NTM: variants seen among roughly 807,000 people sequenced by gnomAD.
NTM encodes neurotrimin, also known as IgLON family member 2.
A neutral mutation model predicts 42.1 loss-of-function variants in NTM; 13 were observed. That is an observed-to-expected ratio of 0.31 (90% CI 0.20 to 0.49). The LOEUF (loss-of-function observed/expected upper bound fraction) is 0.49, where lower values mean the gene tolerates loss of function less well. Among genes scored for constraint, NTM ranks in the 20% least tolerant of loss-of-function variants. NTM has a pLI of 0.99. For synonymous variants in NTM, 187 were observed against 179.2 expected (o/e 1.04, Z -0.35); for missense variants, 373 against 452.8 (o/e 0.82, Z 1.60).
chr11:132,042,715 A>G (rs539959672), intron 2 of NTM, among the ~76,000 whole-genome samples: 1 of 152,208 alleles, frequency 6.6e-6, no homozygotes, highest in Non-Finnish European at 1.5e-5. Context: ...ATGTTCTGTC[A>G]CAGTCAAGTA....
At chr11:131,396,850 G>C (rs1170293017) in intron 1 of NTM, among the ~76,000 whole-genome samples, 2 of 151,896 alleles carry the variant, frequency 1.3e-5, no homozygotes, top group Admixed American at 1.3e-4. Context: ...AAAAAATGGG[G>C]AACATAAATG....
At chr11:132,094,864 G>A (rs887657095) in intron 2 of NTM, among the ~76,000 whole-genome samples, 3 of 152,094 alleles carry the variant, frequency 2.0e-5, no homozygotes, top group East Asian at 1.9e-4. Flanking sequence ...CTGCCTGCAC[G>A]TTCTGCTCCA....
intron 1 of NTM, among the ~76,000 whole-genome samples, chr11:131,520,009 TCTTTA>T (rs1218480840): frequency 1.3e-5 from 2 of 152,024 alleles, no homozygotes; most frequent in African/African-American, 4.8e-5. Context: ...GCCCAACTCT[TCTTTA>T]CTTTCAGGTC....
chr11:131,719,056 C>T (rs553186642), intron 1 of NTM, among the ~76,000 whole-genome samples: 2 of 152,220 alleles, frequency 1.3e-5, no homozygotes, highest in South Asian at 4.2e-4. Flanking sequence ...ACTACAGGCA[C>T]GTGCCACCAC....
At chr11:131,539,962 C>T (rs1260225380) in intron 1 of NTM, among the ~76,000 whole-genome samples, 1 of 152,152 alleles carries the variant, frequency 6.6e-6, no homozygotes, top group African/African-American at 2.4e-5. Context: ...CCAAGGAACA[C>T]ACGAAGTTCC....
Position 132,002,430 on chromosome 11 carries a change from A to T in NTM, c.167+90782A>T, listed in dbSNP as rs2069512793. On this transcript the variant is annotated intron_variant, in intron 2 of 8. Transcript: ENST00000683400. The surrounding 1 kb of genome is among the most constrained non-coding windows in gnomAD (Gnocchi z 4.5). ...GAAGGGGAAATTTTGGTTGAATAGG[A>T]TAAGAATGAGAATTTTGAGTGTCAG... 6.6e-6 allele frequency among the ~76,000 whole-genome samples: 1 copy of T among 152,218 alleles called. No individual in the cohort carries two copies. The highest frequency in any genetic ancestry group is 1.5e-5 in the Non-Finnish European group (1 of 68,040).
At chr11:132,116,753 G>C (rs888781842) in intron 2 of NTM, among the ~76,000 whole-genome samples, 18 of 152,344 alleles carry the variant, frequency 1.2e-4, no homozygotes, top group South Asian at 6.2e-4. Context: ...CGTGAGCTCT[G>C]CTGAGGATGA....
chr11:132,285,957 C>T (rs1469949461), intron 4 of NTM, among the ~76,000 whole-genome samples: 1 of 152,192 alleles, frequency 6.6e-6, no homozygotes, highest in Non-Finnish European at 1.5e-5. Flanking sequence ...CAGCTCAGGA[C>T]TGGCTTCCTC....
At chr11:131,802,137 A>G (rs2092168901) in intron 1 of NTM, among the ~76,000 whole-genome samples, 1 of 152,230 alleles carries the variant, frequency 6.6e-6, no homozygotes, top group Non-Finnish European at 1.5e-5. Flanking sequence ...CCATCTTTCA[A>G]CTGACAATAA....
intron 1 of NTM, among the ~76,000 whole-genome samples, chr11:131,598,755 C>CTTTCTTTCTTTCTTCT (rs201769252): frequency 3.2e-5 from 1 of 31,098 alleles, no homozygotes; most frequent in African/African-American, 9.7e-5. Flanking sequence ...TTCTTTCTTT[C>CTTTCTTTCTTTCTTCT]TTCTTTCTTT....
chr11:132,178,717 C>G (rs964718354), intron 3 of NTM, among the ~76,000 whole-genome samples: 1 of 151,972 alleles, frequency 6.6e-6, no homozygotes, highest in East Asian at 1.9e-4. Flanking sequence ...GAAGAATGTT[C>G]ATCATTTATC....
At chr11:131,458,280 A>G (rs549594529) in intron 1 of NTM, among the ~76,000 whole-genome samples, 1 of 152,256 alleles carries the variant, frequency 6.6e-6, no homozygotes, top group East Asian at 1.9e-4. Context: ...CTAAGAAGAG[A>G]CTGCTGGGTT....
At chr11:132,075,167 G>T (rs752743448) in intron 2 of NTM, among the ~76,000 whole-genome samples, 1 of 152,068 alleles carries the variant, frequency 6.6e-6, no homozygotes, top group African/African-American at 2.4e-5. Flanking sequence ...GTGGAATGAT[G>T]GTCACCAGGG....
chr11:132,074,759 A>C (rs1594381011), intron 2 of NTM, among the ~76,000 whole-genome samples: 1 of 152,336 alleles, frequency 6.6e-6, no homozygotes, highest in South Asian at 2.1e-4. Flanking sequence ...TTACAGCTAC[A>C]CAGTATGGAT....
chr11:132,335,536 T>C lies in NTM; in HGVS notation c.*390T>C, dbSNP rs2095865913. On this transcript the variant is annotated 3_prime_UTR_variant, in exon 9 of 9. Transcript: ENST00000683400. ...CTGGAGCTGGCCATCCCAAATTCAA[T>C]CAGTCCATAGAGACGAACAGAATGA... 4.4e-6 allele frequency: 1 copy of C among 225,064 alleles called. No individual in the cohort carries two copies. Among genetic ancestry groups the C allele is most frequent in the African/African-American group, 2.3e-5 (1 of 42,712 alleles). 13.9% of individuals were successfully genotyped at this position (225,064 alleles called of 1,614,324 possible).
intron 1 of NTM, among the ~76,000 whole-genome samples, chr11:131,723,144 A>G (rs1277895940): frequency 6.6e-6 from 1 of 152,196 alleles, no homozygotes; most frequent in Non-Finnish European, 1.5e-5. Context: ...CAATACAAAA[A>G]TCCTCCTTCT....
At chr11:131,545,749 G>T (rs765537776) in intron 1 of NTM, among the ~76,000 whole-genome samples, 9 of 152,304 alleles carry the variant, frequency 5.9e-5, no homozygotes, top group Admixed American at 1.3e-4. Context: ...TAAAGCAAGT[G>T]ACCTTTGGGC....
chr11:131,893,197 A>G (rs1421497150), intron 1 of NTM, among the ~76,000 whole-genome samples: 1 of 152,202 alleles, frequency 6.6e-6, no homozygotes, highest in Non-Finnish European at 1.5e-5. Context: ...TGGGTGCTCA[A>G]TTGTTTAGGT....
At chr11:131,931,343 A>G (rs2058577383) in intron 2 of NTM, among the ~76,000 whole-genome samples, 1 of 151,968 alleles carries the variant, frequency 6.6e-6, no homozygotes, top group African/African-American at 2.4e-5. Flanking sequence ...AGAGGCTGAG[A>G]CAGGAAGATT....
Sources: allele counts gnomAD v4.1 joint callset (sites outside exome capture counted in the v4.1 genomes callset), GRCh38; gene constraint gnomAD v4.1.1; non-coding constraint Gnocchi (gnomAD v3.1); transcripts MANE v1.5; gene names NCBI Gene and HGNC (gene_info 2026-07-23, HGNC 2026-07-21).